CTNNA3: variants seen among roughly 807,000 people sequenced by gnomAD.
CTNNA3 encodes catenin alpha 3, also known as catenin alpha-3.
In CTNNA3, 76 loss-of-function variants were observed where a neutral mutation model predicts 95.7. That is an observed-to-expected ratio of 0.79 (90% CI 0.66 to 0.96). The LOEUF is 0.96. Ranked by LOEUF, CTNNA3 falls within the 40% of genes least tolerant of loss-of-function variation. The probability of loss-of-function intolerance (pLI) is 0.00; values close to 1 mark genes in which losing one functional copy is unlikely to be tolerated. For missense variants in CTNNA3, 1,191 were observed against 1,089.8 expected, an observed-to-expected ratio of 1.09 and a Z score of -1.31; for synonymous variants, 431 against 374.4, an observed-to-expected ratio of 1.15 and a Z score of -1.74.
chr10:66,834,645 C>T (rs533040993), intron 7 of CTNNA3, among the ~76,000 whole-genome samples: 1 of 152,278 alleles, frequency 6.6e-6, no homozygotes, highest in Non-Finnish European at 1.5e-5. Context: ...CAGTCAACAG[C>T]ATGAACCACT....
intron 4 of CTNNA3, among the ~76,000 whole-genome samples, chr10:67,537,951 C>G (rs1320643414): frequency 1.3e-5 from 2 of 151,618 alleles, no homozygotes; most frequent in African/African-American, 4.9e-5. Flanking sequence ...ATTCCCTTTC[C>G]TAAAAAGCTA....
chr10:66,466,129 C>T (rs1340306879), intron 11 of CTNNA3, among the ~76,000 whole-genome samples: 1 of 151,972 alleles, frequency 6.6e-6, no homozygotes, highest in Non-Finnish European at 1.5e-5. Flanking sequence ...AGAAAAATGA[C>T]TGACATCCCC....
At chr10:67,478,655 C>T (rs559382445) in intron 5 of CTNNA3, among the ~76,000 whole-genome samples, 1 of 152,014 alleles carries the variant, frequency 6.6e-6, no homozygotes, top group South Asian at 2.1e-4. Flanking sequence ...AATGAAAGAA[C>T]AATAACTGCT....
Position 67,180,339 on chromosome 10 carries a change from A to G in CTNNA3, c.1025T>C (p.Leu342Pro). ...TACGTTGTTCATGTACTCTGAAAGC[A>G]GATCCTGAAGAGCCTGGCGAATGGC... is the stretch of plus-strand genomic sequence containing the variant. ...CNAIRQALQD[L>P]LSEYMNNAGK... Residue 342 changes from leucine (L) to proline (P), a missense_variant, in exon 7 of 18, where the codon CTG (leucine) becomes CCG (proline). Coordinates refer to ENST00000433211, the MANE Select transcript of CTNNA3 (RefSeq NM_013266.4). 1 of 1,613,602 alleles carries G rather than the reference A, an allele frequency of 6.2e-7. No individual in the cohort carries two copies. Among genetic ancestry groups the G allele is most frequent in the South Asian group, 1.1e-5 (1 of 91,078 alleles).
In CTNNA3 at chr10:66,619,177, G is replaced by C. The variant is rs958779018; in HGVS notation, c.1374+2515C>G. 5.7e-4 allele frequency among the ~76,000 whole-genome samples: 87 copies of C among 151,486 alleles called. No individual in the cohort carries two copies. In the East Asian group the frequency reaches 0.015, roughly 26 times the overall value. The stretch of plus-strand genomic sequence containing the variant: ...GTGATTCCTCAGGGATCTAGAACTA[G>C]AAATACCATTTGACCCAGCCATCCC... On this transcript the variant is annotated intron_variant, in intron 10 of 17. Coordinates refer to ENST00000433211, the MANE Select transcript of CTNNA3 (RefSeq NM_013266.4).
At chr10:66,840,936 C>T (rs966483894) in intron 7 of CTNNA3, among the ~76,000 whole-genome samples, 2 of 152,108 alleles carry the variant, frequency 1.3e-5, no homozygotes, top group African/African-American at 4.8e-5. Flanking sequence ...ATTAGAATAA[C>T]TGATCTGAAA....
chr10:67,525,084 T>C (rs909596694), intron 4 of CTNNA3, among the ~76,000 whole-genome samples: 2 of 152,152 alleles, frequency 1.3e-5, no homozygotes, highest in South Asian at 4.1e-4. Context: ...TTTTACTTAT[T>C]CATAGTTTTG....
chr10:66,920,319 C>T (rs1377806584), intron 7 of CTNNA3, among the ~76,000 whole-genome samples: 2 of 152,180 alleles, frequency 1.3e-5, no homozygotes, highest in Non-Finnish European at 2.9e-5. Flanking sequence ...CAAACTGAGA[C>T]CCAAAGAAGT....
chr10:67,052,341 TCTCTC>T (rs759931498), intron 7 of CTNNA3, among the ~76,000 whole-genome samples: 1 of 151,578 alleles, frequency 6.6e-6, no homozygotes, highest in African/African-American at 2.4e-5. Flanking sequence ...TCTCTCTCTC[TCTCTC>T]TCTCTCTCAT....
chr10:66,049,786 C>T (rs1239267182), intron 15 of CTNNA3, among the ~76,000 whole-genome samples: 1 of 141,146 alleles, frequency 7.1e-6, no homozygotes, highest in Non-Finnish European at 1.6e-5. Context: ...ACATTAGCAT[C>T]TACTTGAGGG....
chr10:66,861,112 A>C (rs909395269), intron 7 of CTNNA3, among the ~76,000 whole-genome samples: 1 of 152,200 alleles, frequency 6.6e-6, no homozygotes, highest in Non-Finnish European at 1.5e-5. Flanking sequence ...TGTCCTAGAC[A>C]CTGTGTTAGG....
chr10:66,687,867 A>G (rs1049001180), intron 9 of CTNNA3, among the ~76,000 whole-genome samples: 1 of 152,068 alleles, frequency 6.6e-6, no homozygotes, highest in Non-Finnish European at 1.5e-5. Context: ...CATATATTCC[A>G]TAATTTATTG....
intron 11 of CTNNA3, among the ~76,000 whole-genome samples, chr10:66,514,378 G>A (rs1840766635): frequency 6.6e-6 from 1 of 152,040 alleles, no homozygotes; most frequent in African/African-American, 2.4e-5. Flanking sequence ...AGTGAATATG[G>A]GGGAAAAGTG....
intron 16 of CTNNA3, among the ~76,000 whole-genome samples, chr10:65,975,954 T>C (rs1426583208): frequency 6.6e-6 from 1 of 152,170 alleles, no homozygotes; most frequent in Non-Finnish European, 1.5e-5. Flanking sequence ...CTGTCATCTA[T>C]AATTCTAGAT....
intron 3 of CTNNA3, among the ~76,000 whole-genome samples, chr10:67,603,613 A>T (rs891531729): frequency 5.3e-5 from 8 of 152,232 alleles, no homozygotes; most frequent in Middle Eastern, 3.4e-3. Context: ...GTAAAAAAAA[A>T]AATAATTAAA....
At chr10:66,747,315 T>A (rs146986256) in intron 9 of CTNNA3, among the ~76,000 whole-genome samples, 120 of 152,254 alleles carry the variant, frequency 7.9e-4, no homozygotes, top group African/African-American at 2.8e-3. Flanking sequence ...AAATAATAAA[T>A]AAATTTGAAA....
At chr10:67,067,585 C>A (rs1397981644) in intron 7 of CTNNA3, among the ~76,000 whole-genome samples, 1 of 152,144 alleles carries the variant, frequency 6.6e-6, no homozygotes, top group East Asian at 1.9e-4. Context: ...GACTCATGTT[C>A]CCCAAGCTTA....
intron 7 of CTNNA3, among the ~76,000 whole-genome samples, chr10:66,859,472 T>A (rs1843817077): frequency 1.3e-5 from 2 of 151,954 alleles, no homozygotes; most frequent in Admixed American, 6.6e-5. Flanking sequence ...TGAGATATCA[T>A]CTCATACCAG....
At chr10:66,213,847 C>A (rs1468384868) in intron 13 of CTNNA3, among the ~76,000 whole-genome samples, 1 of 152,100 alleles carries the variant, frequency 6.6e-6, no homozygotes, top group Non-Finnish European at 1.5e-5. Flanking sequence ...TATGCTTTGG[C>A]CCCTAGCCAT....
Sources: allele counts gnomAD v4.1 joint callset (sites outside exome capture counted in the v4.1 genomes callset), GRCh38; gene constraint gnomAD v4.1.1; transcripts MANE v1.5; gene names NCBI Gene and HGNC (gene_info 2026-07-23, HGNC 2026-07-21).